Variants in NIPA2 observed in about 807,000 individuals in gnomAD.
NIPA2 encodes the protein magnesium transporter NIPA2.
NIPA2 carries 11 observed loss-of-function variants against 29.7 expected under a neutral mutation model. The ratio of observed to expected loss-of-function variants is 0.37; its 90% CI spans 0.23 to 0.61. The LOEUF (loss-of-function observed/expected upper bound fraction) is 0.61, where lower values mean the gene tolerates loss of function less well. Ranked by LOEUF, NIPA2 falls within the 20% of genes least tolerant of loss-of-function variation. The pLI is 0.66. For missense variants in NIPA2, 426 were observed against 437.9 expected (o/e 0.97, Z 0.24); for synonymous variants, 183 against 161.9 (o/e 1.13, Z -0.99).
chr15:22,860,958 C>T lies in NIPA2; in HGVS notation c.448+169C>T, dbSNP rs75411560. Among the ~76,000 whole-genome samples the T allele has an allele frequency of 4.7e-4, 71 of 152,290 alleles. No homozygotes were observed. In the East Asian group the frequency reaches 0.013, roughly 29 times the overall value. On this transcript the variant is annotated intron_variant, in intron 7 of 7. Coordinates refer to ENST00000337451, the MANE Select transcript of NIPA2 (RefSeq NM_030922.7). ...TATCAATCCCAAGCCTGTGTTTCTA[C>T]TGTTCTTTAACTCTGTGTTTGTAAG...
At position 22,857,910 on chromosome 15, in the gene NIPA2, T is replaced by G. The variant is rs188034113; in HGVS notation, c.197-630T>G. Among the ~76,000 whole-genome samples, 75 of 151,922 alleles carry G rather than the reference T, an allele frequency of 4.9e-4. 1 individual carries two copies. The highest frequency in any genetic ancestry group is 1.8e-3 in the African/African-American group (73 of 41,448). On this transcript the variant is annotated intron_variant, in intron 5 of 7. Transcript: ENST00000337451. ...AGAGTACCTTTACCTTCATGTCGGC[T>G]TCTTCTCAGTGATTTTTATTTACTG...
At chr15:22,855,986 T>C (rs1252280721) in intron 5 of NIPA2, among the ~76,000 whole-genome samples, 1 of 152,134 alleles carries the variant, frequency 6.6e-6, no homozygotes, top group Non-Finnish European at 1.5e-5. Context: ...ACCACAGAAG[T>C]GATGATGTGT....
chr15:22,851,565 G>A lies in NIPA2; in HGVS notation c.-93-74G>A, dbSNP rs568997697. 86 of 414,660 alleles carry A rather than the reference G, an allele frequency of 2.1e-4. No individual in the cohort carries two copies. The South Asian group carries it at 6.1e-3, about 30-fold the overall frequency. 25.7% of individuals were successfully genotyped at this position (414,660 alleles called of 1,614,324 possible). The stretch of plus-strand genomic sequence containing the variant: ...TTTTTTCTTTAGGGGAAGAGAAATG[G>A]AGTAAAATTTTGAATTGCATGTGAG... On this transcript the variant is annotated intron_variant, in intron 3 of 7. Coordinates refer to ENST00000337451, the MANE Select transcript of NIPA2 (RefSeq NM_030922.7).
chr15:22,842,416 G>A (rs574271953), intron 2 of NIPA2, among the ~76,000 whole-genome samples: 6 of 152,254 alleles, frequency 3.9e-5, no homozygotes, highest in African/African-American at 1.2e-4. Context: ...TAGGCTGGGC[G>A]CGGTGGCTTA....
intron 5 of NIPA2, 74 bp downstream of exon 5, chr15:22,853,342 C>A: frequency 3.5e-5 from 28 of 794,180 alleles, no homozygotes; most frequent in Non-Finnish European, 5.6e-5. Context: ...ATTATAGCCT[C>A]ATTACTAGCA....
At position 22,855,081 on chromosome 15, in the gene NIPA2, C is replaced by T. The variant is rs373314235; in HGVS notation, c.196+1813C>T. 2.6e-5 allele frequency among the ~76,000 whole-genome samples: 4 copies of T among 151,892 alleles called. No individual in the cohort carries two copies. In the South Asian group the frequency reaches 6.2e-4, roughly 24 times the overall value. ...AATAAAAATACAAAAAATCACCATG[C>T]CTATTTTGGTAATAACTTTTAAAAA... On this transcript the variant is annotated intron_variant, in intron 5 of 7. Coordinates refer to ENST00000337451, the MANE Select transcript of NIPA2 (RefSeq NM_030922.7).
intron 5 of NIPA2, among the ~76,000 whole-genome samples, chr15:22,855,153 C>T (rs2058084420): frequency 6.6e-6 from 1 of 152,066 alleles, no homozygotes; most frequent in African/African-American, 2.4e-5. Context: ...TGGCTCATGC[C>T]TGTAATCCCA....
At chr15:22,853,441 TTG>T (rs1373389073) in intron 5 of NIPA2, among the ~76,000 whole-genome samples, 173 bp downstream of exon 5, 2 of 151,740 alleles carry the variant, frequency 1.3e-5, no homozygotes, top group African/African-American at 4.8e-5. Context: ...TGGCGTGATC[TTG>T]GCTCAGTGCA....
chr15:22,848,825 CAAAAAAAAAAAA>C (rs35853443), intron 3 of NIPA2, among the ~76,000 whole-genome samples: 4 of 66,712 alleles, frequency 6.0e-5, no homozygotes, highest in Non-Finnish European at 1.1e-4. Context: ...ACTCTTGTCT[CAAAAAAAAAAAA>C]AAAAAAAAAA....
intron 7 of NIPA2, among the ~76,000 whole-genome samples, chr15:22,862,148 A>G (rs747798084): frequency 6.8e-6 from 1 of 146,702 alleles, no homozygotes; most frequent in Non-Finnish European, 1.5e-5. Flanking sequence ...CTTGGGTTCA[A>G]GTTATTCTCC....
intron 2 of NIPA2, among the ~76,000 whole-genome samples, chr15:22,842,971 C>G (rs1157357137): frequency 6.6e-6 from 1 of 151,200 alleles, no homozygotes. Flanking sequence ...TCACTGCACT[C>G]CAGCCTGGGC....
chr15:22,848,392 G>A (rs1442482443), intron 3 of NIPA2, among the ~76,000 whole-genome samples: 4 of 151,946 alleles, frequency 2.6e-5, no homozygotes, highest in Non-Finnish European at 4.4e-5. Flanking sequence ...TGTATTAATG[G>A]CTGCTTTGTT....
chr15:22,860,634 T>A lies in NIPA2; in HGVS notation c.293T>A (p.Ile98Asn). ...LGALSVLVSA[I>N]LSSYFLNERL... ...TTTTTTCCTCCCCATTTTAGTGCCA[T>A]TCTTTCTTCATACTTTCTCAATGAA... is the stretch of plus-strand genomic sequence containing the variant. Residue 98 changes from isoleucine to asparagine, a missense_variant, in exon 7 of 8, where the codon ATT (isoleucine) becomes AAT (asparagine). Around this residue, in one of 3 missense-constraint regions of NIPA2, gnomAD observed 357 missense variants for 339.8 expected, o/e 1.05. Transcript: ENST00000337451. 2 of 1,558,978 alleles carry A rather than the reference T, an allele frequency of 1.3e-6. No individual in the cohort carries two copies. The highest frequency in any genetic ancestry group is 1.7e-6 in the Non-Finnish European group (2 of 1,159,964).
rs4778391 is a variant in NIPA2, at chr15:22,858,257, A to G, written c.197-283A>G. The stretch of plus-strand genomic sequence containing the variant: ...AAATACAAAAAAATTAGCTGGGCAT[A>G]GTGGCGAGTGCCTGCGGTCCCAGCT... On this transcript the variant is annotated intron_variant, in intron 5 of 7. Transcript: ENST00000337451. Among the ~76,000 whole-genome samples the G allele has an allele frequency of 0.42, 64,427 of 151,896 alleles. 16,706 individuals are homozygous for G. Among genetic ancestry groups the G allele is most frequent in the African/African-American group, 0.71 (29,553 of 41,448 alleles).
chr15:22,849,858 G>A (rs1299804298), intron 3 of NIPA2, among the ~76,000 whole-genome samples: 5 of 152,010 alleles, frequency 3.3e-5, no homozygotes, highest in Admixed American at 6.6e-5. Context: ...CACCGCGCCC[G>A]ACCCAGTGTT....
chr15:22,864,441 A>C (rs1181010641), intron 7 of NIPA2, among the ~76,000 whole-genome samples: 1 of 152,182 alleles, frequency 6.6e-6, no homozygotes. Context: ...GGCGTGAGCC[A>C]CCACGCCCGG....
At chr15:22,865,576 C>G (rs1288111761) in intron 7 of NIPA2, among the ~76,000 whole-genome samples, 2 of 152,046 alleles carry the variant, frequency 1.3e-5, no homozygotes, top group Non-Finnish European at 2.9e-5. Flanking sequence ...CCTCAGTTTC[C>G]TCATCCGAAA....
intron 5 of NIPA2, among the ~76,000 whole-genome samples, 163 bp downstream of exon 5, chr15:22,853,431 T>A (rs184122801): frequency 3.3e-4 from 50 of 151,202 alleles, no homozygotes; most frequent in African/African-American, 1.2e-3. Context: ...TGGAGTGCAG[T>A]GGCGTGATCT....
At chr15:22,858,476 C>A in intron 5 of NIPA2, 64 bp from the exon 6 acceptor site, 1 of 921,034 alleles carries the variant, frequency 1.1e-6, no homozygotes, top group Non-Finnish European at 1.7e-6. Flanking sequence ...CATAAAATGC[C>A]GGCATTTCCA....
Sources: allele counts gnomAD v4.1 joint callset (sites outside exome capture counted in the v4.1 genomes callset), GRCh38; gene constraint gnomAD v4.1.1; regional missense constraint gnomAD v4.1.1; transcripts MANE v1.5; gene names NCBI Gene and HGNC (gene_info 2026-07-23, HGNC 2026-07-21).